Variants in SND1 observed in about 807,000 individuals in gnomAD.
The protein encoded by SND1 is staphylococcal nuclease and tudor domain containing 1.
Under a neutral mutation model 121.7 loss-of-function variants are expected in SND1, and 38 were observed. The ratio of observed to expected loss-of-function variants is 0.31; its 90% CI spans 0.24 to 0.41. The LOEUF is 0.41. Ranked by LOEUF, SND1 falls within the 10% of genes least tolerant of loss-of-function variation. The pLI, the probability that SND1 is intolerant of heterozygous loss-of-function variation, is 1.00. For synonymous variants in SND1, 401 were observed against 447.4 expected, an observed-to-expected ratio of 0.90 and a Z score of 1.31; for missense variants, 868 against 1,184.6, an observed-to-expected ratio of 0.73 and a Z score of 3.92.
chr7:127,757,991 T>C (rs1437179542), intron 10 of SND1, among the ~76,000 whole-genome samples: 3 of 152,220 alleles, frequency 2.0e-5, no homozygotes, highest in East Asian at 1.9e-4. Flanking sequence ...AATATAAGTA[T>C]CAATATAACT....
intron 16 of SND1, among the ~76,000 whole-genome samples, chr7:128,040,468 A>AAAG (rs1792835161): frequency 7.6e-6 from 1 of 131,066 alleles, no homozygotes; most frequent in African/African-American, 2.9e-5. Flanking sequence ...AAAAAAAAAG[A>AAAG]CATGGTTTGA....
chr7:127,671,372 T>C (rs1017043362), intron 1 of SND1, among the ~76,000 whole-genome samples: 1 of 152,262 alleles, frequency 6.6e-6, no homozygotes, highest in African/African-American at 2.4e-5. Context: ...ACAGTAGTTA[T>C]GTTCTATAAA....
chr7:127,964,205 G>C (rs1467780113), intron 15 of SND1, among the ~76,000 whole-genome samples: 1 of 151,378 alleles, frequency 6.6e-6, no homozygotes, highest in South Asian at 2.1e-4. Flanking sequence ...GTTATAGGTT[G>C]CCTGTTCACT....
intron 14 of SND1, chr7:127,927,924 C>T (rs1480602835): frequency 1.3e-5 from 2 of 152,216 alleles, no homozygotes; most frequent in African/African-American, 4.8e-5. Context: ...GTTTGCAGAA[C>T]TTGGTGTCCT....
At chr7:128,060,575 T>C (rs1321167126) in intron 16 of SND1, among the ~76,000 whole-genome samples, 1 of 152,192 alleles carries the variant, frequency 6.6e-6, no homozygotes, top group African/African-American at 2.4e-5. Flanking sequence ...CCACTCTGCA[T>C]TTTCCTGCCT....
At chr7:127,746,924 G>A (rs959590200) in intron 10 of SND1, among the ~76,000 whole-genome samples, 2 of 152,188 alleles carry the variant, frequency 1.3e-5, no homozygotes, top group African/African-American at 4.8e-5. Flanking sequence ...GCATATGCTA[G>A]TAATGTTTGT....
At chr7:128,060,479 C>A (rs948775118) in intron 16 of SND1, among the ~76,000 whole-genome samples, 2 of 152,128 alleles carry the variant, frequency 1.3e-5, no homozygotes, top group Non-Finnish European at 2.9e-5. Flanking sequence ...TTTTTCCTGT[C>A]TTCTCTGCAG....
At chr7:127,897,791 T>C (rs956771081) in intron 13 of SND1, among the ~76,000 whole-genome samples, 1 of 152,134 alleles carries the variant, frequency 6.6e-6, no homozygotes, top group Non-Finnish European at 1.5e-5. Flanking sequence ...CATCCATATA[T>C]GATGGATTTC....
chr7:127,844,335 G>C lies in SND1; in HGVS notation c.1254G>C (p.Thr418=). The C allele has an allele frequency of 6.2e-7, 1 of 1,612,766 alleles. No individual in the cohort carries two copies. Among genetic ancestry groups the C allele is most frequent in the Non-Finnish European group, 8.5e-7 (1 of 1,179,328 alleles). The change falls in exon 12 of 24, where the codon ACG becomes ACC. Residue 418 remains threonine (T), a synonymous_variant. Coordinates refer to ENST00000354725, the MANE Select transcript of SND1 (RefSeq NM_014390.4). The part of the protein sequence containing the change: ...KKLIGKKVNV[T]VDYIRPASPA... ...TTCTTTGTTTCCAGGTCAATGTGACGGTGGACTACATTAGACCAGCCAGCC... is the reference window on the plus strand; with the variant it reads ...TTCTTTGTTTCCAGGTCAATGTGACCGTGGACTACATTAGACCAGCCAGCC...
At chr7:127,773,833 C>T (rs1563008388) in intron 10 of SND1, among the ~76,000 whole-genome samples, 1 of 152,190 alleles carries the variant, frequency 6.6e-6, no homozygotes, top group Non-Finnish European at 1.5e-5. Flanking sequence ...GGACAGACCA[C>T]ATATACTCTT....
chr7:127,846,984 T>C (rs950742135), intron 12 of SND1, among the ~76,000 whole-genome samples: 2 of 152,142 alleles, frequency 1.3e-5, no homozygotes, highest in African/African-American at 4.8e-5. Flanking sequence ...TTAAAAAATC[T>C]TGGCCAGGCG....
chr7:127,770,402 G>A (rs1417896020), intron 10 of SND1, among the ~76,000 whole-genome samples: 1 of 152,204 alleles, frequency 6.6e-6, no homozygotes, highest in Non-Finnish European at 1.5e-5. Flanking sequence ...GCTTGATATT[G>A]CTGTAACTGG....
chr7:128,016,450 G>C (rs1803226919), intron 16 of SND1, among the ~76,000 whole-genome samples: 2 of 152,176 alleles, frequency 1.3e-5, no homozygotes, highest in South Asian at 2.1e-4. Context: ...GCCTGAAGAG[G>C]CATCTGCTCC....
At chr7:127,700,790 AC>A (rs1796087342) in intron 4 of SND1, among the ~76,000 whole-genome samples, 1 of 152,050 alleles carries the variant, frequency 6.6e-6, no homozygotes, top group South Asian at 2.1e-4. Flanking sequence ...TCTCTGCACT[AC>A]CGAGCTGTGC....
chr7:128,018,155 G>A (rs1250800419), intron 16 of SND1, among the ~76,000 whole-genome samples: 1 of 152,236 alleles, frequency 6.6e-6, no homozygotes, highest in Non-Finnish European at 1.5e-5. Context: ...GGAAAGTCCT[G>A]TGTGTCAGCA....
intron 16 of SND1, among the ~76,000 whole-genome samples, chr7:127,991,733 G>C (rs903969170): frequency 2.0e-5 from 3 of 152,028 alleles, no homozygotes; most frequent in African/African-American, 7.3e-5. Context: ...TCATCTATAG[G>C]GTCCCTCCAG....
At chr7:128,063,995 G>A (rs1793272746) in intron 16 of SND1, among the ~76,000 whole-genome samples, 1 of 152,208 alleles carries the variant, frequency 6.6e-6, no homozygotes, top group Non-Finnish European at 1.5e-5. Flanking sequence ...CATTAGTGGA[G>A]AACAAGGAAA....
At chr7:128,004,507 C>T (rs1321852138) in intron 16 of SND1, among the ~76,000 whole-genome samples, 4 of 152,224 alleles carry the variant, frequency 2.6e-5, no homozygotes. Flanking sequence ...TTGGACTAAA[C>T]TTTGGCCAAT....
At chr7:127,858,916 TC>T (rs1480243225) in intron 12 of SND1, among the ~76,000 whole-genome samples, 1 of 152,188 alleles carries the variant, frequency 6.6e-6, no homozygotes, top group Non-Finnish European at 1.5e-5. Context: ...GACTATTACT[TC>T]AGTTTCTTCC....
Sources: allele counts gnomAD v4.1 joint callset (sites outside exome capture counted in the v4.1 genomes callset), GRCh38; gene constraint gnomAD v4.1.1; transcripts MANE v1.5; gene names NCBI Gene and HGNC (gene_info 2026-07-23, HGNC 2026-07-21).